The following TXNRD1 variants were observed in gnomAD, a reference collection of about 807,000 sequenced individuals.
TXNRD1 encodes the protein thioredoxin reductase 1, cytoplasmic.
TXNRD1 carries 57 observed loss-of-function variants against 80.3 expected under a neutral mutation model. That is an observed-to-expected ratio of 0.71 (90% confidence interval 0.57 to 0.89). TXNRD1 has a LOEUF of 0.89. Ranked by LOEUF, TXNRD1 falls within the 40% of genes least tolerant of loss-of-function variation. TXNRD1 has a pLI of 0.00. For missense variants in TXNRD1, 730 were observed against 803.0 expected (o/e 0.91, Z 1.10); for synonymous variants, 291 against 285.2 (o/e 1.02, Z -0.20).
intron 11 of TXNRD1, among the ~76,000 whole-genome samples, 178 bp from the exon 12 acceptor site, chr12:104,326,169 G>A (rs1004149906): frequency 2.0e-5 from 3 of 151,998 alleles, no homozygotes; most frequent in African/African-American, 7.3e-5. Context: ...ATGTTCAAAG[G>A]ATTTTTTTCT....
At chr12:104,319,412 A>G in intron 8 of TXNRD1, 58 bp from the exon 9 acceptor site, 1 of 1,117,588 alleles carries the variant, frequency 8.9e-7, no homozygotes. Context: ...TTAACTATGA[A>G]GTTTACAATT....
intron 4 of TXNRD1, among the ~76,000 whole-genome samples, chr12:104,294,318 C>T (rs2034360293): frequency 6.6e-6 from 1 of 150,436 alleles, no homozygotes; most frequent in Non-Finnish European, 1.5e-5. Context: ...GGACCACGAT[C>T]CTCTTGGTGA....
At chr12:104,250,547 C>G (rs2033097128) in intron 1 of TXNRD1, among the ~76,000 whole-genome samples, 1 of 152,122 alleles carries the variant, frequency 6.6e-6, no homozygotes, top group Admixed American at 6.6e-5. Context: ...GAGGAAGTTG[C>G]ATAACCTCTC....
intron 14 of TXNRD1, among the ~76,000 whole-genome samples, chr12:104,332,957 G>A (rs1047364677): frequency 6.6e-6 from 1 of 151,624 alleles, no homozygotes; most frequent in East Asian, 1.9e-4. Flanking sequence ...TTTTGTGTGA[G>A]TATGTATGTC....
intron 11 of TXNRD1, 116 bp from the exon 12 acceptor site, chr12:104,326,231 A>G (rs994687752): frequency 2.7e-5 from 19 of 704,650 alleles, no homozygotes; most frequent in Non-Finnish European, 4.4e-5. Context: ...TGAAATATTT[A>G]TTTCCAAGTT....
chr12:104,343,456 T>C (rs1565917378), intron 16 of TXNRD1, among the ~76,000 whole-genome samples: 1 of 152,160 alleles, frequency 6.6e-6, no homozygotes, highest in African/African-American at 2.4e-5. Flanking sequence ...TTCCTCTTAG[T>C]GAGACCTGGC....
At chr12:104,244,542 T>G (rs2032937748) in intron 1 of TXNRD1, among the ~76,000 whole-genome samples, 1 of 152,182 alleles carries the variant, frequency 6.6e-6, no homozygotes, top group South Asian at 2.1e-4. Flanking sequence ...CACATTCTTT[T>G]TCAGGATTCC....
intron 16 of TXNRD1, among the ~76,000 whole-genome samples, chr12:104,347,416 T>C (rs2036529339): frequency 6.6e-6 from 1 of 152,216 alleles, no homozygotes; most frequent in African/African-American, 2.4e-5. Context: ...TCTTGAGCAG[T>C]AGCAAGTAAA....
At chr12:104,308,184 A>G (rs1471966971) in intron 4 of TXNRD1, among the ~76,000 whole-genome samples, 1 of 151,912 alleles carries the variant, frequency 6.6e-6, no homozygotes, top group East Asian at 1.9e-4. Flanking sequence ...TGTAGTAGAG[A>G]CGGGGTTTCA....
At chr12:104,222,321 G>A (rs550059272) in intron 1 of TXNRD1, among the ~76,000 whole-genome samples, 32 of 152,176 alleles carry the variant, frequency 2.1e-4, no homozygotes, top group Admixed American at 9.2e-4. Context: ...AGTGAACAGT[G>A]TAAATGACCG....
intron 4 of TXNRD1, chr12:104,310,060 A>C: frequency 6.5e-7 from 1 of 1,534,804 alleles, no homozygotes; most frequent in Non-Finnish European, 8.7e-7. Context: ...CACCCCCTAC[A>C]TCTGATAGTA....
chr12:104,312,833 T>A (rs2035186960), intron 5 of TXNRD1, among the ~76,000 whole-genome samples: 1 of 152,190 alleles, frequency 6.6e-6, no homozygotes, highest in Admixed American at 6.5e-5. Context: ...TTTTAAAATA[T>A]CACCTTATAG....
chr12:104,242,458 G>T (rs1007524050), intron 1 of TXNRD1, among the ~76,000 whole-genome samples: 2 of 151,752 alleles, frequency 1.3e-5, no homozygotes, highest in Non-Finnish European at 2.9e-5. Flanking sequence ...TGAGGCAGGA[G>T]AATCGCTTGA....
At chr12:104,233,476 G>C (rs1344984170) in intron 1 of TXNRD1, among the ~76,000 whole-genome samples, 3 of 152,026 alleles carry the variant, frequency 2.0e-5, no homozygotes, top group African/African-American at 7.2e-5. Context: ...AGAGGAACCA[G>C]ACAGAGAAAA....
chr12:104,266,949 G>A (rs1299098222), intron 3 of TXNRD1, among the ~76,000 whole-genome samples: 2 of 151,718 alleles, frequency 1.3e-5, no homozygotes, highest in African/African-American at 2.4e-5. Context: ...GCGACAGAGC[G>A]AGACTCCGTC....
intron 1 of TXNRD1, among the ~76,000 whole-genome samples, chr12:104,229,846 C>T (rs2032575061): frequency 6.6e-6 from 1 of 151,858 alleles, no homozygotes; most frequent in African/African-American, 2.4e-5. Context: ...CTGCCTCGGC[C>T]TCTCAAAGTG....
intron 10 of TXNRD1, among the ~76,000 whole-genome samples, chr12:104,322,797 AT>A (rs34502129): frequency 0.072 from 10,758 of 148,390 alleles, 520 homozygotes; most frequent in East Asian, 0.17. Context: ...CCTATATACA[AT>A]TTTTTTTTTT....
At chr12:104,339,368 G>A in intron 16 of TXNRD1, 95 bp downstream of exon 16, 1 of 1,527,942 alleles carries the variant, frequency 6.5e-7, no homozygotes, top group East Asian at 2.3e-5. Flanking sequence ...AGGACCCTGA[G>A]TTTGATGATG....
At chr12:104,263,843 G>T (rs188847786) in intron 3 of TXNRD1, among the ~76,000 whole-genome samples, 2 of 152,286 alleles carry the variant, frequency 1.3e-5, no homozygotes, top group East Asian at 3.9e-4. Flanking sequence ...TAATATTTGA[G>T]TTTCTTTTTA....
Sources: gnomAD v4.1 joint callset for allele counts (sites outside exome capture counted in the v4.1 genomes callset) on GRCh38, gnomAD v4.1.1 for gene constraint, MANE v1.5 for transcripts, NCBI Gene and HGNC (gene_info 2026-07-23, HGNC 2026-07-21) for gene names.